The following WDFY4 variants were observed in gnomAD, a reference collection of about 807,000 sequenced individuals.
WDFY4 encodes WDFY family member 4.
WDFY4 carries 169 observed loss-of-function variants against 351.9 expected under a neutral mutation model. The ratio of observed to expected loss-of-function variants is 0.48; its 90% confidence interval spans 0.42 to 0.55. WDFY4 has a LOEUF of 0.55. Ranked by LOEUF, WDFY4 falls within the 20% of genes least tolerant of loss-of-function variation. The pLI, the probability that WDFY4 is intolerant of heterozygous loss-of-function variation, is 0.00. For synonymous variants in WDFY4, 1,622 were observed against 1,574.6 expected (o/e 1.03, Z -0.71); for missense variants, 3,803 against 3,935.6 (o/e 0.97, Z 0.90).
At position 48,877,171 on chromosome 10, in the gene WDFY4, T is replaced by C. The variant is rs541736419; in HGVS notation, c.7139T>C (p.Ile2380Thr). 6.4e-7 allele frequency: 1 copy of C among 1,551,612 alleles called. No homozygotes were observed. The highest frequency in any genetic ancestry group is 1.2e-5 in the South Asian group (1 of 84,052). Reference protein sequence around the residue: ...FLELCRERQVILQELLDKEKV... With the variant: ...FLELCRERQVTLQELLDKEKV... The stretch of plus-strand genomic sequence containing the variant: ...GAACTGTGTCGGGAAAGACAAGTTA[T>C]TTTACAAGAGCTTCTTGATAAAGAA... The change falls in exon 43 of 62, where the codon ATT (isoleucine) becomes ACT (threonine). Residue 2380 changes from isoleucine to threonine, a missense_variant. Ile to Thr is a moderately conservative substitution (Grantham distance 89). Coordinates refer to ENST00000325239, the MANE Select transcript of WDFY4 (RefSeq NM_001394531.1).
rs1006952217 is a variant in WDFY4 at position 48,832,836 on chromosome 10, G to T, written c.6663+127G>T. The T allele has an allele frequency of 6.3e-6, 8 of 1,262,250 alleles. No homozygotes were observed. In the African/African-American group the frequency reaches 7.6e-5, roughly 12 times the overall value. 78.2% of individuals were successfully genotyped at this position (1,262,250 alleles called of 1,614,324 possible). ...TCCACGTCCTTGTGAGCATTTGAGG[G>T]TATGCATGTAGCTCCCCAGTGGAGG... On this transcript the variant is annotated intron_variant, in intron 39 of 61. Transcript: ENST00000325239.
At chr10:48,913,517 T>A in intron 47 of WDFY4, 1 of 1,613,942 alleles carries the variant, frequency 6.2e-7, no homozygotes, top group Non-Finnish European at 8.5e-7. Context: ...CGTTTTGGCA[T>A]TTTCTCAGGC....
At chr10:48,974,000 C>T (rs952205265) in intron 57 of WDFY4, among the ~76,000 whole-genome samples, 1 of 152,164 alleles carries the variant, frequency 6.6e-6, no homozygotes, top group Non-Finnish European at 1.5e-5. Flanking sequence ...TCTGAGGTTC[C>T]CTTACCGAGA....
At chr10:48,925,048 T>C (rs186275787) in intron 47 of WDFY4, among the ~76,000 whole-genome samples, 1 of 152,376 alleles carries the variant, frequency 6.6e-6, no homozygotes, top group East Asian at 1.9e-4. Flanking sequence ...ACTAGCTTTG[T>C]AGGCAGTTTC....
At chr10:48,963,058 C>CT (rs1451564293) in intron 53 of WDFY4, among the ~76,000 whole-genome samples, 1 of 152,214 alleles carries the variant, frequency 6.6e-6, no homozygotes, top group Non-Finnish European at 1.5e-5. Context: ...CTCAGTGAGA[C>CT]TGGATGCCCC....
intron 47 of WDFY4, among the ~76,000 whole-genome samples, chr10:48,920,636 G>C (rs770279126): frequency 1.3e-5 from 2 of 152,172 alleles, no homozygotes; most frequent in Non-Finnish European, 2.9e-5. Flanking sequence ...CACTATGTCT[G>C]TTCAGTATTA....
chr10:48,826,945 G>T, intron 36 of WDFY4, 36 bp downstream of exon 36: 1 of 1,135,032 alleles, frequency 8.8e-7, no homozygotes, highest in Non-Finnish European at 1.2e-6. Context: ...GTCTGCTGGT[G>T]GTCCATGCAG....
At chr10:48,787,903 CTT>C (rs2066504394) in intron 20 of WDFY4, among the ~76,000 whole-genome samples, 8 of 29,182 alleles carry the variant, frequency 2.7e-4, no homozygotes, top group African/African-American at 5.9e-4. Context: ...CCTTCTTCTT[CTT>C]CTTCTTCTTC....
intron 1 of WDFY4, among the ~76,000 whole-genome samples, chr10:48,698,331 G>A (rs2063386073): frequency 6.6e-6 from 1 of 152,242 alleles, no homozygotes; most frequent in Admixed American, 6.5e-5. Context: ...CTGTTCCCAA[G>A]CGTGCCAGGG....
At chr10:48,758,916 G>A (rs2065414105) in intron 12 of WDFY4, among the ~76,000 whole-genome samples, 1 of 152,148 alleles carries the variant, frequency 6.6e-6, no homozygotes, top group African/African-American at 2.4e-5. Flanking sequence ...TTTTCCACAT[G>A]AGATGTTGAG....
chr10:48,928,842 G>A (rs1394738807), intron 47 of WDFY4, among the ~76,000 whole-genome samples: 1 of 152,190 alleles, frequency 6.6e-6, no homozygotes, highest in Non-Finnish European at 1.5e-5. Flanking sequence ...GGACACAGCT[G>A]AACTTCCCAC....
intron 34 of WDFY4, among the ~76,000 whole-genome samples, chr10:48,821,437 G>A (rs536106485): frequency 1.5e-4 from 23 of 152,286 alleles, no homozygotes; most frequent in African/African-American, 5.5e-4. Flanking sequence ...AGCAAAAATC[G>A]GCTCTCCTGT....
intron 20 of WDFY4, among the ~76,000 whole-genome samples, chr10:48,787,935 T>TCTC (rs2066519185): frequency 1.0e-5 from 1 of 96,364 alleles, no homozygotes; most frequent in Non-Finnish European, 2.0e-5. Flanking sequence ...TTCTTCTTCT[T>TCTC]CTTCTTCTTC....
chr10:48,712,970 T>C (rs1403231425), intron 2 of WDFY4, among the ~76,000 whole-genome samples: 2 of 152,236 alleles, frequency 1.3e-5, no homozygotes, highest in African/African-American at 2.4e-5. Flanking sequence ...CCATGTGTGA[T>C]GGAGCTCAAC....
At chr10:48,854,676 T>C (rs1292861041) in intron 39 of WDFY4, among the ~76,000 whole-genome samples, 1 of 152,244 alleles carries the variant, frequency 6.6e-6, no homozygotes, top group Non-Finnish European at 1.5e-5. Flanking sequence ...CTGCGCTTTC[T>C]GCTTCCCACA....
At chr10:48,971,417 A>G (rs1347811666) in intron 57 of WDFY4, among the ~76,000 whole-genome samples, 1 of 151,714 alleles carries the variant, frequency 6.6e-6, no homozygotes, top group Non-Finnish European at 1.5e-5. Flanking sequence ...AATGGCGTGA[A>G]CCCGGGAGGC....
intron 20 of WDFY4, among the ~76,000 whole-genome samples, chr10:48,788,020 CTCCTTCTCCTTT>C (rs1314493581): frequency 0.042 from 5,904 of 140,602 alleles, 623 homozygotes; most frequent in African/African-American, 0.13. Context: ...CCTTCTCCTT[CTCCTTCTCCTTT>C]TCCTTCTTCT....
intron 51 of WDFY4, among the ~76,000 whole-genome samples, chr10:48,949,302 A>G (rs1841204069): frequency 6.6e-6 from 1 of 152,240 alleles, no homozygotes; most frequent in South Asian, 2.1e-4. Context: ...CCTTTGAACC[A>G]GCAAAAGAAA....
chr10:48,921,469 A>C (rs1463286533), intron 47 of WDFY4, among the ~76,000 whole-genome samples: 1 of 152,232 alleles, frequency 6.6e-6, no homozygotes, highest in Non-Finnish European at 1.5e-5. Context: ...AATGGATCAT[A>C]GATTTGAATG....
Sources: gnomAD v4.1 joint callset for allele counts (sites outside exome capture counted in the v4.1 genomes callset) on GRCh38, gnomAD v4.1.1 for gene constraint, MANE v1.5 for transcripts, NCBI Gene and HGNC (gene_info 2026-07-23, HGNC 2026-07-21) for gene names.